Variants in TBC1D9 observed in about 807,000 individuals in gnomAD.
The protein encoded by TBC1D9 is TBC1 domain family member 9.
A neutral mutation model predicts 132.0 loss-of-function variants in TBC1D9; 63 were observed. The ratio of observed to expected loss-of-function variants is 0.48; its 90% CI spans 0.39 to 0.59. The LOEUF is 0.59. Among genes scored for constraint, TBC1D9 ranks in the 20% least tolerant of loss-of-function variants. TBC1D9 has a pLI of 0.00. For synonymous variants in TBC1D9, 610 were observed against 609.9 expected, an observed-to-expected ratio of 1.00 and a Z score of 0.00; for missense variants, 1,261 against 1,592.7, an observed-to-expected ratio of 0.79 and a Z score of 3.54.
At chr4:140,690,112 G>A (rs1275844815) in intron 2 of TBC1D9, among the ~76,000 whole-genome samples, 1 of 151,968 alleles carries the variant, frequency 6.6e-6, no homozygotes, top group African/African-American at 2.4e-5. Flanking sequence ...TCCCATAGCA[G>A]AAATGGTATA....
intron 18 of TBC1D9, among the ~76,000 whole-genome samples, chr4:140,624,773 C>T (rs1736679971): frequency 6.6e-6 from 1 of 152,126 alleles, no homozygotes; most frequent in Non-Finnish European, 1.5e-5. Flanking sequence ...AATGGAGGGT[C>T]AAGCAGCGTG....
At chr4:140,653,648 C>T (rs1205137750) in intron 13 of TBC1D9, among the ~76,000 whole-genome samples, 1 of 152,074 alleles carries the variant, frequency 6.6e-6, no homozygotes, top group African/African-American at 2.4e-5. Context: ...AAACAATCAG[C>T]AAGAGTTCGT....
chr4:140,685,285 G>C (rs969245155), intron 3 of TBC1D9, among the ~76,000 whole-genome samples: 1 of 152,184 alleles, frequency 6.6e-6, no homozygotes, highest in Admixed American at 6.5e-5. Context: ...TGGAGAAATT[G>C]GATATAACAC....
In TBC1D9 at chr4:140,726,725, G is replaced by A. The variant is rs187179139; in HGVS notation, c.131-25111C>T. Among the ~76,000 whole-genome samples, 642 of 152,248 alleles carry A rather than the reference G, an allele frequency of 4.2e-3. 2 individuals are homozygous for A. Among genetic ancestry groups the A allele is most frequent in the Non-Finnish European group, 7.4e-3 (501 of 68,024 alleles). On this transcript the variant is annotated intron_variant, in intron 1 of 20. Coordinates refer to ENST00000442267, the MANE Select transcript of TBC1D9 (RefSeq NM_015130.3). ...GATTGTTTTGTTAAAACTAAATCACGACTTGATCAGAAATGCTGTACAGAG... is the reference window on the plus strand; with the variant it reads ...GATTGTTTTGTTAAAACTAAATCACAACTTGATCAGAAATGCTGTACAGAG...
chr4:140,643,033 T>G, intron 13 of TBC1D9: 1 of 1,011,272 alleles, frequency 9.9e-7, no homozygotes, highest in Non-Finnish European at 1.5e-6. Context: ...GAGGACTTCA[T>G]GGGGTACATC....
At chr4:140,644,772 G>A in intron 13 of TBC1D9, 1 of 403,606 alleles carries the variant, frequency 2.5e-6, no homozygotes, top group South Asian at 2.0e-5. Flanking sequence ...GAGAGTACAG[G>A]GCGGGGCAAA....
chr4:140,754,545 A>C (rs2111089788), intron 1 of TBC1D9, among the ~76,000 whole-genome samples: 1 of 141,972 alleles, frequency 7.0e-6, no homozygotes, highest in Non-Finnish European at 1.5e-5. Context: ...AACCCAGGAG[A>C]AGGAGGTTGC....
At chr4:140,643,922 G>T in intron 13 of TBC1D9, 2 of 679,328 alleles carry the variant, frequency 2.9e-6, no homozygotes, top group Non-Finnish European at 2.7e-6. Flanking sequence ...GCAGCTCTGC[G>T]GGGCGCTCGT....
chr4:140,634,000 T>C lies in TBC1D9; in HGVS notation c.2694A>G (p.Leu898=), dbSNP rs1312771835. 6.2e-7 allele frequency: 1 copy of C among 1,613,936 alleles called. No individual in the cohort carries two copies. Among genetic ancestry groups the C allele is most frequent in the Non-Finnish European group, 8.5e-7 (1 of 1,179,876 alleles). ...DVLASRLFQL[L]DENGDSLINF... is the part of the protein sequence containing the mutation. ...TAATCAAAGAGTCTCCATTTTCATC[T>C]AATAACTGGAACAAGCGGGAGGCCA... The change falls in exon 16 of 21, where the codon TTA becomes TTG. Residue 898 remains leucine (L), a synonymous_variant. Transcript: ENST00000442267.
intron 13 of TBC1D9, among the ~76,000 whole-genome samples, chr4:140,656,324 G>C (rs929646826): frequency 6.6e-6 from 1 of 152,174 alleles, no homozygotes; most frequent in South Asian, 2.1e-4. Context: ...GGGAAAAGGA[G>C]TCGGGCTGGC....
intron 6 of TBC1D9, among the ~76,000 whole-genome samples, chr4:140,674,695 T>A (rs552423794): frequency 1.4e-3 from 206 of 149,276 alleles, no homozygotes; most frequent in African/African-American, 4.4e-3. Context: ...ATATATATTT[T>A]TTTTTAATTT....
At chr4:140,734,058 C>A (rs1018365977) in intron 1 of TBC1D9, among the ~76,000 whole-genome samples, 1 of 152,088 alleles carries the variant, frequency 6.6e-6, no homozygotes, top group Non-Finnish European at 1.5e-5. Context: ...GAGCTGATGG[C>A]CACTTTGTAG....
intron 1 of TBC1D9, among the ~76,000 whole-genome samples, chr4:140,746,033 A>G (rs1264266664): frequency 2.0e-5 from 3 of 152,192 alleles, no homozygotes; most frequent in African/African-American, 7.2e-5. Flanking sequence ...GGACAGTCCA[A>G]TGCTCTAACT....
At chr4:140,686,566 C>T (rs550429027) in intron 2 of TBC1D9, 104 bp from the exon 3 acceptor site, 42 of 698,504 alleles carry the variant, frequency 6.0e-5, no homozygotes, top group Middle Eastern at 2.6e-4. Context: ...AGGAGACTAT[C>T]GGACCAAGAG....
Position 140,657,571 on chromosome 4 carries a change from C to A in TBC1D9, c.2163G>T (p.Leu721=). 6.2e-7 allele frequency: 1 copy of A among 1,613,994 alleles called. No homozygotes were observed. The highest frequency in any genetic ancestry group is 8.5e-7 in the Non-Finnish European group (1 of 1,179,884). The change falls in exon 12 of 21, where the codon CTG becomes CTT. Residue 721 remains leucine (L), a synonymous_variant. Transcript: ENST00000442267. ...LAVLDANVDK[L]LNCKDDGEAM... ...CCTCCCCATCATCCTTGCAGTTCAA[C>A]AGTTTGTCCACATTTGCATCCAGCA...
At chr4:140,749,021 T>C (rs1738881644) in intron 1 of TBC1D9, among the ~76,000 whole-genome samples, 1 of 152,084 alleles carries the variant, frequency 6.6e-6, no homozygotes, top group Non-Finnish European at 1.5e-5. Flanking sequence ...GTTAAAGTAT[T>C]CCATGGTCTT....
At chr4:140,691,676 A>T (rs1737880245) in intron 2 of TBC1D9, among the ~76,000 whole-genome samples, 1 of 152,240 alleles carries the variant, frequency 6.6e-6, no homozygotes, top group Admixed American at 6.5e-5. Flanking sequence ...TGCTGTGGCT[A>T]AAAACTAGAA....
intron 6 of TBC1D9, among the ~76,000 whole-genome samples, chr4:140,671,612 A>G: frequency 6.6e-6 from 1 of 151,800 alleles, no homozygotes; most frequent in African/African-American, 2.4e-5. Flanking sequence ...TAAAGGTTCT[A>G]TTCTGAACAG....
chr4:140,675,907 T>C (rs1737615908), intron 6 of TBC1D9, among the ~76,000 whole-genome samples: 1 of 152,210 alleles, frequency 6.6e-6, no homozygotes, highest in Non-Finnish European at 1.5e-5. Context: ...TGCTTTGGCA[T>C]CTTGGGGGCC....
Sources: allele counts gnomAD v4.1 joint callset (sites outside exome capture counted in the v4.1 genomes callset), GRCh38; gene constraint gnomAD v4.1.1; transcripts MANE v1.5; gene names NCBI Gene and HGNC (gene_info 2026-07-23, HGNC 2026-07-21).